Variants in LARP4 observed in about 807,000 individuals in gnomAD.
LARP4 encodes the protein La ribonucleoprotein 4.
Under a neutral mutation model 92.9 loss-of-function variants are expected in LARP4, and 29 were observed. That is an observed-to-expected ratio of 0.31 (90% CI 0.23 to 0.43). The LOEUF (loss-of-function observed/expected upper bound fraction) is 0.43, where lower values mean the gene tolerates loss of function less well. Ranked by LOEUF, LARP4 falls within the 20% of genes least tolerant of loss-of-function variation. The probability of loss-of-function intolerance (pLI) is 1.00; values close to 1 mark genes in which losing one functional copy is unlikely to be tolerated. For missense variants in LARP4, 732 were observed against 860.0 expected, an observed-to-expected ratio of 0.85 and a Z score of 1.86; for synonymous variants, 279 against 284.1, an observed-to-expected ratio of 0.98 and a Z score of 0.18.
At chr12:50,461,044 C>T in intron 10 of LARP4, 91 bp from the exon 11 acceptor site, 5 of 956,104 alleles carry the variant, frequency 5.2e-6, no homozygotes, top group Non-Finnish European at 8.4e-6. Context: ...TTGAAAACCC[C>T]AGTACAACAG....
At chr12:50,412,008 G>A (rs1181239513) in intron 1 of LARP4, among the ~76,000 whole-genome samples, 2 of 151,986 alleles carry the variant, frequency 1.3e-5, no homozygotes, top group African/African-American at 4.8e-5. Context: ...TTTAAATCCT[G>A]GTTTTGTATT....
Position 50,466,963 on chromosome 12 carries a change from C to A in LARP4, c.1388C>A (p.Pro463His). The change falls in exon 13 of 16, where the codon CCT (proline) becomes CAT (histidine). Residue 463 changes from proline (P) to histidine (H), a missense_variant. Physicochemically the swap from Pro to His is moderately conservative, Grantham distance 77. This residue lies in a region of LARP4 where 264 missense variants were observed against 269.5 expected (regional missense o/e 0.98). Coordinates refer to ENST00000398473, the MANE Select transcript of LARP4 (RefSeq NM_052879.5). ...RRREDDRISR[P>H]HPSTAESKAP... ...TTTATTATTTGTTCATTTTAGAGACCTCATCCTTCAACAGCTGAATCAAAG... is the reference window on the plus strand; with the variant it reads ...TTTATTATTTGTTCATTTTAGAGACATCATCCTTCAACAGCTGAATCAAAG... 1 of 1,607,256 alleles carries A rather than the reference C, an allele frequency of 6.2e-7. No individual in the cohort carries two copies. The highest frequency in any genetic ancestry group is 8.5e-7 in the Non-Finnish European group (1 of 1,175,334).
In LARP4 at chr12:50,461,259, A is replaced by G; in HGVS notation, c.1246A>G (p.Thr416Ala). Residue 416 changes from threonine to alanine, a missense_variant, in exon 11 of 16, where the codon ACA becomes GCA. Coordinates refer to ENST00000398473, the MANE Select transcript of LARP4 (RefSeq NM_052879.5). The stretch of plus-strand genomic sequence containing the variant: ...CTTTCCAGCTGAACGGCATAACCCC[A>G]CAGTAACTGGGCATCAGGAGCAAAC... The part of the protein sequence containing the change: ...RNFPAERHNP[T>A]VTGHQEQTYL... 1 of 1,614,112 alleles carries G rather than the reference A, an allele frequency of 6.2e-7. No homozygotes were observed. The highest frequency in any genetic ancestry group is 1.1e-5 in the South Asian group (1 of 91,080).
At chr12:50,413,921 C>T (rs529492904) in intron 1 of LARP4, among the ~76,000 whole-genome samples, 2 of 152,252 alleles carry the variant, frequency 1.3e-5, no homozygotes, top group African/African-American at 4.8e-5. Context: ...AACTACAGTT[C>T]ACCTCTATGG....
chr12:50,447,617 C>T (rs889791492), intron 8 of LARP4, among the ~76,000 whole-genome samples: 13 of 152,030 alleles, frequency 8.6e-5, no homozygotes, highest in Admixed American at 6.6e-4. Context: ...CACTTTGTTG[C>T]GCAGGCTGGA....
intron 10 of LARP4, among the ~76,000 whole-genome samples, chr12:50,460,608 G>A (rs1955198824): frequency 6.6e-6 from 1 of 152,040 alleles, no homozygotes; most frequent in South Asian, 2.1e-4. Context: ...ACAGGCGTGA[G>A]CCACTGTGTC....
chr12:50,417,407 C>A (rs1397064524), intron 1 of LARP4, among the ~76,000 whole-genome samples: 1 of 151,824 alleles, frequency 6.6e-6, no homozygotes, highest in Non-Finnish European at 1.5e-5. Flanking sequence ...AAAATTGCTA[C>A]TTATACGTTC....
chr12:50,471,060 G>A (rs1289597646), intron 13 of LARP4, among the ~76,000 whole-genome samples: 3 of 152,080 alleles, frequency 2.0e-5, no homozygotes, highest in Admixed American at 2.0e-4. Flanking sequence ...AGGCTGAGGT[G>A]GGAGGATCAC....
chr12:50,413,542 A>G (rs1946270192), intron 1 of LARP4, among the ~76,000 whole-genome samples: 1 of 152,198 alleles, frequency 6.6e-6, no homozygotes, highest in Non-Finnish European at 1.5e-5. Flanking sequence ...TGTGTTACGG[A>G]TTTCATTATG....
At chr12:50,455,004 TATC>T (rs1413997082) in intron 10 of LARP4, 1 of 152,260 alleles carries the variant, frequency 6.6e-6, no homozygotes, top group Non-Finnish European at 1.5e-5. Context: ...AGATGTAAAA[TATC>T]ATGTCTGAGA....
chr12:50,411,691 T>C (rs866785566), intron 1 of LARP4, among the ~76,000 whole-genome samples: 1 of 151,672 alleles, frequency 6.6e-6, no homozygotes, highest in Non-Finnish European at 1.5e-5. Flanking sequence ...TTCTTTTTTC[T>C]TTTTTTTGAG....
chr12:50,436,122 T>G (rs202101369), intron 5 of LARP4, among the ~76,000 whole-genome samples: 80 of 102,424 alleles, frequency 7.8e-4, no homozygotes, highest in Admixed American at 2.8e-3. Context: ...GTGTGTGTGA[T>G]ATGTGTGTGT....
chr12:50,460,804 G>A (rs573308157), intron 10 of LARP4, among the ~76,000 whole-genome samples: 3 of 152,196 alleles, frequency 2.0e-5, no homozygotes, highest in South Asian at 2.1e-4. Flanking sequence ...TTAGCTGGAC[G>A]TGGTGGCTGG....
chr12:50,447,266 T>G (rs1456909507), intron 8 of LARP4, among the ~76,000 whole-genome samples: 1 of 152,166 alleles, frequency 6.6e-6, no homozygotes, highest in Non-Finnish European at 1.5e-5. Context: ...AAAAAGCTGG[T>G]ACCAAGCATT....
Position 50,475,540 on chromosome 12 carries a change from A to G in LARP4, c.1851A>G (p.Leu617=), listed in dbSNP as rs1395132373. Residue 617 remains leucine, a synonymous_variant, in exon 16 of 16, where the codon TTA becomes TTG. Coordinates refer to ENST00000398473, the MANE Select transcript of LARP4 (RefSeq NM_052879.5). ...TCACTTCAAAGGAACCCCGAAAGTTAAGTTATGCTGAAGTGTGCCAGAAGC... is the reference window on the plus strand; with the variant it reads ...TCACTTCAAAGGAACCCCGAAAGTTGAGTTATGCTGAAGTGTGCCAGAAGC... The part of the protein sequence containing the change: ...TAVALQEPRK[L]SYAEVCQKPP... 1 of 1,602,704 alleles carries G rather than the reference A, an allele frequency of 6.2e-7. No individual in the cohort carries two copies. The highest frequency in any genetic ancestry group is 1.8e-5 in the Admixed American group (1 of 57,072).
At chr12:50,453,998 T>G (rs1272169192) in intron 9 of LARP4, among the ~76,000 whole-genome samples, 1 of 152,098 alleles carries the variant, frequency 6.6e-6, no homozygotes, top group Non-Finnish European at 1.5e-5. Context: ...GACTAAGAGG[T>G]GAGCTATTAG....
At position 50,479,103 on chromosome 12, in the gene LARP4, C is replaced by T. The variant is rs961071217; in HGVS notation, c.*3239C>T. 1 of 152,482 alleles carries T rather than the reference C, an allele frequency of 6.6e-6. No individual in the cohort carries two copies. Among genetic ancestry groups the T allele is most frequent in the Non-Finnish European group, 1.5e-5 (1 of 67,986 alleles). The allele number at this position is 152,482 out of a possible 1,614,324, so 9.4% of individuals were successfully genotyped here. A position where few individuals can be genotyped will look rare whatever the true frequency, so the allele number is the denominator to read the frequency against. ...AAGAACAAAAAGAATGTTGCTGGAA[C>T]GTAAAATAGTATTTAAAAGTTAATG... On this transcript the variant is annotated 3_prime_UTR_variant, in exon 16 of 16. Transcript: ENST00000398473.
intron 1 of LARP4, among the ~76,000 whole-genome samples, chr12:50,419,074 A>G (rs534167787): frequency 6.6e-6 from 1 of 152,250 alleles, no homozygotes; most frequent in East Asian, 1.9e-4. Context: ...TAAAAAAGCA[A>G]ATGAGGCTGG....
In LARP4 at chr12:50,469,601, CAAAAA is replaced by C. The variant is rs757844912; in HGVS notation, c.1545+2499_1545+2503del. On this transcript the variant is annotated intron_variant, in intron 13 of 15. Coordinates refer to ENST00000398473, the MANE Select transcript of LARP4 (RefSeq NM_052879.5). ...CCTGGGCGACAGAGCGAGACTCTAT[CAAAAA>C]AAAAAAAAAAAAAAAAAGTAAAGGC... 1.7e-4 allele frequency among the ~76,000 whole-genome samples: 11 copies of C among 65,564 alleles called. No individual in the cohort carries two copies. In the East Asian group the frequency reaches 4.7e-3, roughly 28 times the overall value. The allele number at this position is 65,564 out of a possible 152,430, so 43.0% of individuals were successfully genotyped here. A position where few individuals can be genotyped will look rare whatever the true frequency, so the allele number is the denominator to read the frequency against.
Sources: allele counts gnomAD v4.1 joint callset (sites outside exome capture counted in the v4.1 genomes callset), GRCh38; gene constraint gnomAD v4.1.1; regional missense constraint gnomAD v4.1.1; transcripts MANE v1.5; gene names NCBI Gene and HGNC (gene_info 2026-07-23, HGNC 2026-07-21).